The following ZNRF1 variants were observed in gnomAD, a reference collection of about 807,000 sequenced individuals.
ZNRF1 encodes the protein E3 ubiquitin-protein ligase ZNRF1.
A neutral mutation model predicts 18.4 loss-of-function variants in ZNRF1; 3 were observed. The observed-to-expected ratio is 0.16, with a 90% CI of 0.07 to 0.42. The LOEUF is 0.42. Among genes scored for constraint, ZNRF1 ranks in the 10% least tolerant of loss-of-function variants. ZNRF1 has a pLI of 0.99. For synonymous variants in ZNRF1, 157 were observed against 144.2 expected (o/e 1.09, Z -0.64); for missense variants, 310 against 329.8 (o/e 0.94, Z 0.47).
chr16:75,093,755 T>G, intron 2 of ZNRF1, 88 bp downstream of exon 2: 4 of 1,065,412 alleles, frequency 3.8e-6, no homozygotes, highest in Non-Finnish European at 5.7e-6. Flanking sequence ...CGAGGGTGGT[T>G]CTGGGCAGTA....
Position 75,038,138 on chromosome 16 carries a change from G to T in ZNRF1, c.424+38043G>T, listed in dbSNP as rs2035398528. On this transcript the variant is annotated intron_variant, in intron 1 of 4. Coordinates refer to ENST00000335325, the MANE Select transcript of ZNRF1 (RefSeq NM_032268.5). ...AACAAAACCTACCTCAAAACTTAATGGCTTAAAACAACATCTATTTTATAT... is the reference window on the plus strand; with the variant it reads ...AACAAAACCTACCTCAAAACTTAATTGCTTAAAACAACATCTATTTTATAT... Among the ~76,000 whole-genome samples the T allele has an allele frequency of 3.3e-5, 5 of 152,230 alleles. No individual in the cohort carries two copies. The South Asian group carries it at 1.0e-3, about 32-fold the overall frequency.
chr16:75,000,222 G>A (rs1597848434), intron 1 of ZNRF1, 127 bp downstream of exon 1: 2 of 1,321,250 alleles, frequency 1.5e-6, no homozygotes, highest in Non-Finnish European at 1.1e-6. Flanking sequence ...TTTGGTTCCC[G>A]ATGCCAAGGG....
chr16:75,020,740 C>T (rs983564734), intron 1 of ZNRF1, among the ~76,000 whole-genome samples: 1 of 152,100 alleles, frequency 6.6e-6, no homozygotes, highest in Non-Finnish European at 1.5e-5. Flanking sequence ...GACAAGGTTT[C>T]ACCGTGTTAG....
intron 1 of ZNRF1, among the ~76,000 whole-genome samples, chr16:75,039,679 A>AT (rs2035418045): frequency 6.6e-6 from 1 of 152,316 alleles, no homozygotes; most frequent in Non-Finnish European, 1.5e-5. Context: ...ATGCAGATTT[A>AT]TGGGCCCCAC....
chr16:75,053,229 A>G (rs1435882017), intron 1 of ZNRF1, among the ~76,000 whole-genome samples: 1 of 152,196 alleles, frequency 6.6e-6, no homozygotes, highest in African/African-American at 2.4e-5. Flanking sequence ...TATACATATA[A>G]GGTGGGAATA....
rs115780894 is a variant in ZNRF1, at chr16:75,004,163, C to T, written c.424+4068C>T. Among the ~76,000 whole-genome samples, 1,039 of 152,248 alleles carry T rather than the reference C, an allele frequency of 6.8e-3. 8 individuals are homozygous for T. Among genetic ancestry groups the T allele is most frequent in the African/African-American group, 0.024 (996 of 41,540 alleles). The stretch of plus-strand genomic sequence containing the variant: ...AATTTGATGGGTGGAGAGAGGTTTA[C>T]AGCTGTGCTAGCTGTAGCCCCCAAA... On this transcript the variant is annotated intron_variant, in intron 1 of 4. Transcript: ENST00000335325.
At chr16:75,055,731 A>G (rs1165631721) in intron 1 of ZNRF1, among the ~76,000 whole-genome samples, 2 of 152,212 alleles carry the variant, frequency 1.3e-5, no homozygotes, top group African/African-American at 4.8e-5. Context: ...ACGCTTTCCA[A>G]GTGACCTTAG....
chr16:75,017,090 A>T (rs1597859847), intron 1 of ZNRF1, among the ~76,000 whole-genome samples: 1 of 152,148 alleles, frequency 6.6e-6, no homozygotes, highest in Non-Finnish European at 1.5e-5. Context: ...AAACAATAAC[A>T]TTTCCTGATG....
intron 1 of ZNRF1, among the ~76,000 whole-genome samples, chr16:75,075,788 A>C (rs937790362): frequency 5.9e-5 from 9 of 152,272 alleles, no homozygotes; most frequent in African/African-American, 2.2e-4. Flanking sequence ...AGTGCTCAGG[A>C]ATCGATGTTA....
intron 1 of ZNRF1, among the ~76,000 whole-genome samples, chr16:75,046,350 C>G (rs1290991481): frequency 3.3e-5 from 5 of 151,970 alleles, no homozygotes; most frequent in Non-Finnish European, 7.4e-5. Context: ...CTCCTGGGTT[C>G]AAGTGATTCT....
At chr16:75,010,719 G>GTTTTTTTTTTTT (rs71158572) in intron 1 of ZNRF1, among the ~76,000 whole-genome samples, 31 of 85,054 alleles carry the variant, frequency 3.6e-4, no homozygotes, top group East Asian at 3.0e-3. Flanking sequence ...TTGTTTTTTT[G>GTTTTTTTTTTTT]TTTTTTTTTT....
chr16:75,025,188 C>T (rs547741655), intron 1 of ZNRF1, among the ~76,000 whole-genome samples: 6 of 152,262 alleles, frequency 3.9e-5, no homozygotes, highest in African/African-American at 9.6e-5. Context: ...CTGCCTCAGC[C>T]TCTTGAGTAG....
At chr16:75,073,384 G>C (rs1310821209) in intron 1 of ZNRF1, among the ~76,000 whole-genome samples, 2 of 151,806 alleles carry the variant, frequency 1.3e-5, no homozygotes, top group Non-Finnish European at 2.9e-5. Flanking sequence ...CACTATTGCT[G>C]GTCTCACTGG....
intron 1 of ZNRF1, among the ~76,000 whole-genome samples, chr16:75,056,684 T>A (rs2035672424): frequency 6.6e-6 from 1 of 152,050 alleles, no homozygotes; most frequent in Admixed American, 6.6e-5. Context: ...TGGAGTGCAA[T>A]GTCATGATCT....
intron 1 of ZNRF1, among the ~76,000 whole-genome samples, chr16:75,066,089 A>T (rs746423586): frequency 6.6e-5 from 10 of 152,216 alleles, no homozygotes; most frequent in African/African-American, 2.4e-4. Context: ...TTCCCATTCA[A>T]TTCCAGAAGT....
At chr16:75,106,803 G>T in intron 4 of ZNRF1, 1 of 477,676 alleles carries the variant, frequency 2.1e-6, no homozygotes, top group Non-Finnish European at 3.8e-6. Flanking sequence ...GAAGAGTTAG[G>T]ATCAGTTGGG....
At chr16:75,020,174 C>G (rs1395566394) in intron 1 of ZNRF1, among the ~76,000 whole-genome samples, 1 of 152,126 alleles carries the variant, frequency 6.6e-6, no homozygotes, top group Non-Finnish European at 1.5e-5. Context: ...ATCTTTATCC[C>G]TAACAGTACT....
At chr16:75,097,190 A>G (rs1324679681) in intron 2 of ZNRF1, among the ~76,000 whole-genome samples, 3 of 152,128 alleles carry the variant, frequency 2.0e-5, no homozygotes, top group Non-Finnish European at 4.4e-5. Context: ...AAGAATACGC[A>G]TTCAAATTTT....
At chr16:75,027,093 G>A (rs2035234697) in intron 1 of ZNRF1, among the ~76,000 whole-genome samples, 1 of 151,898 alleles carries the variant, frequency 6.6e-6, no homozygotes, top group African/African-American at 2.4e-5. Flanking sequence ...AACTCAGCCA[G>A]TGTTACATAG....
Sources: allele counts gnomAD v4.1 joint callset (sites outside exome capture counted in the v4.1 genomes callset), GRCh38; gene constraint gnomAD v4.1.1; transcripts MANE v1.5; gene names NCBI Gene and HGNC (gene_info 2026-07-23, HGNC 2026-07-21).